The following IMMP2L variants were observed in gnomAD, a reference collection of about 807,000 sequenced individuals.
IMMP2L encodes mitochondrial inner membrane protease subunit 2.
In IMMP2L, 18 loss-of-function variants were observed where a neutral mutation model predicts 19.3. The ratio of observed to expected loss-of-function variants is 0.93; its 90% CI spans 0.64 to 1.38. The LOEUF (loss-of-function observed/expected upper bound fraction) is 1.38, where lower values mean the gene tolerates loss of function less well. Ranked by LOEUF, IMMP2L falls within the 40% of genes most tolerant of loss-of-function variation. IMMP2L has a pLI of 0.00. For missense variants in IMMP2L, 233 were observed against 218.2 expected, an observed-to-expected ratio of 1.07 and a Z score of -0.43; for synonymous variants, 76 against 73.0, an observed-to-expected ratio of 1.04 and a Z score of -0.21.
chr7:110,886,068 T>C (rs113797469), intron 5 of IMMP2L, among the ~76,000 whole-genome samples: 2,261 of 152,134 alleles, frequency 0.015, 48 homozygotes, highest in African/African-American at 0.052. Context: ...TTATTTTAAA[T>C]TTGTTTGCTT....
intron 5 of IMMP2L, among the ~76,000 whole-genome samples, chr7:110,773,389 C>A (rs1048372921): frequency 6.6e-6 from 1 of 152,082 alleles, no homozygotes; most frequent in South Asian, 2.1e-4. Flanking sequence ...AAAAATGAAT[C>A]ATTAGATCAC....
intron 2 of IMMP2L, among the ~76,000 whole-genome samples, chr7:111,496,971 G>A (rs1843654974): frequency 6.6e-6 from 1 of 152,068 alleles, no homozygotes; most frequent in Non-Finnish European, 1.5e-5. Flanking sequence ...TCTCCGGTGA[G>A]ATCTAATTAT....
chr7:111,303,079 A>G (rs2130047687), intron 3 of IMMP2L, among the ~76,000 whole-genome samples: 1 of 152,218 alleles, frequency 6.6e-6, no homozygotes, highest in African/African-American at 2.4e-5. Context: ...GAATTCTGAA[A>G]CTGCAAAGAT....
At chr7:111,176,356 T>G (rs1807060224) in intron 3 of IMMP2L, among the ~76,000 whole-genome samples, 2 of 151,982 alleles carry the variant, frequency 1.3e-5, no homozygotes, top group African/African-American at 4.8e-5. Flanking sequence ...TAATCAACAT[T>G]TGGAAGCAAC....
intron 3 of IMMP2L, chr7:111,122,783 T>C (rs1379363781): frequency 1.9e-6 from 3 of 1,612,316 alleles, no homozygotes; most frequent in South Asian, 1.1e-5. Flanking sequence ...ATGAAGGACA[T>C]GCCACTCCGA....
chr7:111,455,114 G>T (rs1289154153), intron 3 of IMMP2L, among the ~76,000 whole-genome samples: 1 of 151,830 alleles, frequency 6.6e-6, no homozygotes, highest in African/African-American at 2.4e-5. Context: ...CCATGCAGTT[G>T]TAAGACACAG....
chr7:111,266,720 C>G (rs1419652645), intron 3 of IMMP2L, among the ~76,000 whole-genome samples: 1 of 152,080 alleles, frequency 6.6e-6, no homozygotes, highest in Non-Finnish European at 1.5e-5. Context: ...AGTTAAATAG[C>G]TAAGACTACG....
chr7:111,355,835 T>C (rs1318958592), intron 3 of IMMP2L, among the ~76,000 whole-genome samples: 3 of 152,030 alleles, frequency 2.0e-5, no homozygotes. Flanking sequence ...TTAAGCTTTA[T>C]TAATAGTGCT....
At position 111,213,223 on chromosome 7, in the gene IMMP2L, G is replaced by C. The variant is rs559887230; in HGVS notation, c.240-249658C>G. 2.6e-5 allele frequency among the ~76,000 whole-genome samples: 4 copies of C among 152,312 alleles called. No homozygotes were observed. In the East Asian group the frequency reaches 7.7e-4, roughly 29 times the overall value. On this transcript the variant is annotated intron_variant, in intron 3 of 5. Transcript: ENST00000405709. This position sits in a 1 kb window ranked among gnomAD's most constrained non-coding sequence, Gnocchi z 4.8. ...TTGGAGTGGAGTTGAGGCCTAGCCC[G>C]GGTGCTGTCACAATCAGGCTGAGTG...
intron 5 of IMMP2L, among the ~76,000 whole-genome samples, chr7:110,867,254 C>T (rs114745694): frequency 4.5e-4 from 69 of 152,022 alleles, no homozygotes; most frequent in African/African-American, 1.5e-3. Flanking sequence ...GCTATGTTCT[C>T]ATATGGCACA....
At chr7:111,140,018 T>C (rs1252655168) in intron 3 of IMMP2L, among the ~76,000 whole-genome samples, 1 of 152,108 alleles carries the variant, frequency 6.6e-6, no homozygotes, top group Admixed American at 6.6e-5. Flanking sequence ...GTTATTTTCT[T>C]GGAGTTCAAT....
chr7:110,928,382 C>CACACAA (rs1336385837), intron 4 of IMMP2L, among the ~76,000 whole-genome samples: 7 of 148,616 alleles, frequency 4.7e-5, no homozygotes, highest in Admixed American at 3.4e-4. Flanking sequence ...CACACACACA[C>CACACAA]ACACACACAC....
Position 111,253,888 on chromosome 7 carries a change from C to G in IMMP2L, c.239+233350G>C, listed in dbSNP as rs187288460. Among the ~76,000 whole-genome samples, 32 of 152,270 alleles carry G rather than the reference C, an allele frequency of 2.1e-4. No homozygotes were observed. The East Asian group carries it at 5.0e-3, about 24-fold the overall frequency. ...GTGAGGCCAGCGTGGCATGATCTAA[C>G]ATTTAAACAAATCCAGATATCAGAA... On this transcript the variant is annotated intron_variant, in intron 3 of 5. Transcript: ENST00000405709.
chr7:110,699,591 A>G (rs960788193), intron 5 of IMMP2L, among the ~76,000 whole-genome samples: 5 of 151,980 alleles, frequency 3.3e-5, no homozygotes, highest in Non-Finnish European at 7.4e-5. Context: ...GTCAACATGG[A>G]GAAACCTCAT....
At chr7:111,215,374 T>C (rs1811823387) in intron 3 of IMMP2L, among the ~76,000 whole-genome samples, 1 of 152,112 alleles carries the variant, frequency 6.6e-6, no homozygotes, top group Non-Finnish European at 1.5e-5. Flanking sequence ...AAATCCAATG[T>C]TTTTCCAGCT....
chr7:111,520,044 C>T (rs1846198619), intron 2 of IMMP2L, among the ~76,000 whole-genome samples: 1 of 151,964 alleles, frequency 6.6e-6, no homozygotes, highest in African/African-American at 2.4e-5. Flanking sequence ...TCTACGTTTC[C>T]CTAAGGATTG....
At chr7:111,261,386 A>C (rs956168359) in intron 3 of IMMP2L, among the ~76,000 whole-genome samples, 17 of 152,168 alleles carry the variant, frequency 1.1e-4, no homozygotes, top group Admixed American at 6.5e-5. Flanking sequence ...AAACTAATTA[A>C]GGAATTATTC....
chr7:111,491,814 T>C (rs955004896), intron 2 of IMMP2L, among the ~76,000 whole-genome samples: 3 of 152,246 alleles, frequency 2.0e-5, no homozygotes, highest in African/African-American at 4.8e-5. Flanking sequence ...ACTGACACTG[T>C]AAAGGTGACC....
chr7:110,803,334 A>G lies in IMMP2L; in HGVS notation c.408+83259T>C, dbSNP rs1801390098. 6.6e-6 allele frequency among the ~76,000 whole-genome samples: 1 copy of G among 152,074 alleles called. No homozygotes were observed. The highest frequency in any genetic ancestry group is 6.6e-5 in the Admixed American group (1 of 15,264). ...CAGCCAGTTGATGTCCACTTTGAAT[A>G]TCATCAAACTGCAGAACCTGGACTC... On this transcript the variant is annotated intron_variant, in intron 5 of 5. Transcript: ENST00000405709. The surrounding 1 kb of genome is among the most constrained non-coding windows in gnomAD (Gnocchi z 4.2).
Sources: allele counts gnomAD v4.1 joint callset (sites outside exome capture counted in the v4.1 genomes callset), GRCh38; gene constraint gnomAD v4.1.1; non-coding constraint Gnocchi (gnomAD v3.1); transcripts MANE v1.5; gene names NCBI Gene and HGNC (gene_info 2026-07-23, HGNC 2026-07-21).